CPED1: variants seen among roughly 807,000 people sequenced by gnomAD.
CPED1 encodes cadherin-like and PC-esterase domain-containing protein 1.
Under a neutral mutation model 128.2 loss-of-function variants are expected in CPED1, and 114 were observed. The observed-to-expected ratio is 0.89, with a 90% confidence interval of 0.76 to 1.04. The LOEUF (loss-of-function observed/expected upper bound fraction) is 1.04, where lower values mean the gene tolerates loss of function less well. Ranked by LOEUF, CPED1 falls within the 50% of genes least tolerant of loss-of-function variation. The probability of loss-of-function intolerance (pLI) is 0.00; values close to 1 mark genes in which losing one functional copy is unlikely to be tolerated. For missense variants in CPED1, 1,211 were observed against 1,207.1 expected (o/e 1.00, Z -0.05); for synonymous variants, 462 against 426.7 (o/e 1.08, Z -1.02).
At chr7:121,024,608 C>CT (rs1225266344) in intron 3 of CPED1, among the ~76,000 whole-genome samples, 7 of 152,094 alleles carry the variant, frequency 4.6e-5, no homozygotes, top group African/African-American at 1.7e-4. Context: ...GTTAGATGTA[C>CT]TTTCTTTTAT....
chr7:121,254,907 A>AT (rs1352775568), intron 18 of CPED1, among the ~76,000 whole-genome samples: 1 of 121,648 alleles, frequency 8.2e-6, no homozygotes, highest in African/African-American at 3.2e-5. Context: ...TGAATCAGTA[A>AT]TTAAAAAAAA....
chr7:121,060,772 G>A lies in CPED1; in HGVS notation c.541-3466G>A, dbSNP rs532024758. Among the ~76,000 whole-genome samples, 4 of 152,346 alleles carry A rather than the reference G, an allele frequency of 2.6e-5. 1 individual carries two copies. The South Asian group carries it at 8.3e-4, about 32-fold the overall frequency. ...GAATAAAAGCAGGCTGTCCCAGCCAGCAGTGGCAACCCGCTCCGGTCCCTT... is the reference window on the plus strand; with the variant it reads ...GAATAAAAGCAGGCTGTCCCAGCCAACAGTGGCAACCCGCTCCGGTCCCTT... On this transcript the variant is annotated intron_variant, in intron 4 of 22. Transcript: ENST00000310396.
chr7:121,187,666 C>A (rs1185078094), intron 16 of CPED1, among the ~76,000 whole-genome samples: 4 of 152,126 alleles, frequency 2.6e-5, no homozygotes, highest in Non-Finnish European at 5.9e-5. Context: ...GTCTTTCAAA[C>A]AGCTTTAATT....
Position 121,122,443 on chromosome 7 carries a change from C to T in CPED1, c.919-1888C>T, listed in dbSNP as rs573936660. 1.4e-4 allele frequency among the ~76,000 whole-genome samples: 21 copies of T among 152,204 alleles called. No individual in the cohort carries two copies. The South Asian group carries it at 4.1e-3, about 30-fold the overall frequency. ...GGCGTGAGCCACCATGCCCGGCTGT[C>T]TTGTTTTAATTAATAGAAAATAAAA... is the stretch of plus-strand genomic sequence containing the variant. On this transcript the variant is annotated intron_variant, in intron 7 of 22. Transcript: ENST00000310396.
intron 18 of CPED1, among the ~76,000 whole-genome samples, chr7:121,260,675 T>A (rs1218053434): frequency 1.3e-5 from 2 of 150,650 alleles, no homozygotes; most frequent in Admixed American, 6.7e-5. Flanking sequence ...GTGAAAGCTC[T>A]CCAGTAAACA....
At chr7:121,079,907 C>T (rs17143147) in intron 5 of CPED1, among the ~76,000 whole-genome samples, 65,915 of 152,012 alleles carry the variant, frequency 0.43, 15,325 homozygotes, top group East Asian at 0.61. Context: ...TTGGGTAACA[C>T]GCTGATAATT....
intron 22 of CPED1, among the ~76,000 whole-genome samples, chr7:121,288,470 T>A (rs746331843): frequency 1.2e-4 from 19 of 152,168 alleles, no homozygotes; most frequent in Non-Finnish European, 2.5e-4. Context: ...GACATCAATT[T>A]AGTGATCTCT....
chr7:121,161,240 C>T (rs1563050379), intron 16 of CPED1, among the ~76,000 whole-genome samples: 1 of 152,242 alleles, frequency 6.6e-6, no homozygotes, highest in East Asian at 1.9e-4. Context: ...TTGTCTGGAA[C>T]CTCTGGGGAA....
intron 16 of CPED1, among the ~76,000 whole-genome samples, chr7:121,166,011 A>T (rs1796514111): frequency 6.6e-6 from 1 of 152,202 alleles, no homozygotes; most frequent in Non-Finnish European, 1.5e-5. Flanking sequence ...ACAAATCAAC[A>T]TCCTTCTTAT....
chr7:121,132,462 G>T (rs1227885140), intron 12 of CPED1, among the ~76,000 whole-genome samples: 1 of 151,934 alleles, frequency 6.6e-6, no homozygotes, highest in African/African-American at 2.4e-5. Context: ...TCCTTTTAAG[G>T]AAAGATCATT....
chr7:121,262,544 A>C (rs747790962), intron 18 of CPED1, among the ~76,000 whole-genome samples: 6 of 152,064 alleles, frequency 3.9e-5, no homozygotes, highest in African/African-American at 1.4e-4. Flanking sequence ...TTAAAACCAC[A>C]TCACATTTTT....
chr7:121,120,741 C>T (rs951360817), intron 7 of CPED1, among the ~76,000 whole-genome samples: 1 of 151,862 alleles, frequency 6.6e-6, no homozygotes, highest in African/African-American at 2.4e-5. Flanking sequence ...TTACAAGACA[C>T]CAGAAAAATT....
At chr7:121,073,526 A>T (rs1057337028) in intron 5 of CPED1, among the ~76,000 whole-genome samples, 3 of 152,122 alleles carry the variant, frequency 2.0e-5, no homozygotes, top group Admixed American at 2.0e-4. Context: ...TCTACAGTTT[A>T]CTTTAGCTTC....
chr7:121,283,949 T>C (rs956979376), intron 22 of CPED1, among the ~76,000 whole-genome samples: 1 of 152,206 alleles, frequency 6.6e-6, no homozygotes, highest in Non-Finnish European at 1.5e-5. Context: ...CAGCAGTTAC[T>C]TATAGTTGCT....
intron 18 of CPED1, among the ~76,000 whole-genome samples, chr7:121,258,507 G>A (rs1791941063): frequency 6.6e-6 from 1 of 152,078 alleles, no homozygotes; most frequent in Non-Finnish European, 1.5e-5. Flanking sequence ...TTTGAAAGAA[G>A]TTAATTGAAC....
intron 5 of CPED1, among the ~76,000 whole-genome samples, chr7:121,067,054 G>T (rs992437973): frequency 3.3e-5 from 5 of 151,958 alleles, no homozygotes; most frequent in Admixed American, 3.3e-4. Flanking sequence ...ATCCATGGCT[G>T]GGGGGCACAG....
Position 121,128,469 on chromosome 7 carries a change from C to T in CPED1, c.1390C>T (p.Leu464=), listed in dbSNP as rs190111554. 2.8e-4 allele frequency: 442 copies of T among 1,577,008 alleles called. 2 individuals carry two copies. In the East Asian group the frequency reaches 8.1e-3, roughly 29 times the overall value. The change falls in exon 11 of 23, where the codon CTG becomes TTG. Residue 464 remains leucine, a synonymous_variant. Coordinates refer to ENST00000310396, the MANE Select transcript of CPED1 (RefSeq NM_024913.5). The stretch of plus-strand genomic sequence containing the variant: ...GACTTTCATAAAGGAACTTGGAAGT[C>T]TGGGACAATTCCAACTGGTAAAGCA... ...IMTFIKELGS[L]GQFQLLFPST...
intron 7 of CPED1, among the ~76,000 whole-genome samples, chr7:121,106,978 T>A (rs1324804802): frequency 6.6e-6 from 1 of 152,130 alleles, no homozygotes; most frequent in Non-Finnish European, 1.5e-5. Context: ...CAAAGCACTT[T>A]AAGCGTCCAT....
intron 16 of CPED1, among the ~76,000 whole-genome samples, chr7:121,185,849 A>G (rs1283654523): frequency 2.0e-5 from 3 of 152,194 alleles, no homozygotes; most frequent in African/African-American, 7.2e-5. Context: ...TGCTTAAACA[A>G]TCCATAAGTC....
Sources: gnomAD v4.1 joint callset for allele counts (sites outside exome capture counted in the v4.1 genomes callset) on GRCh38, gnomAD v4.1.1 for gene constraint, MANE v1.5 for transcripts, NCBI Gene and HGNC (gene_info 2026-07-23, HGNC 2026-07-21) for gene names.